The following SCAPER variants were observed in gnomAD, a reference collection of about 807,000 sequenced individuals.
The protein encoded by SCAPER is S phase cyclin A-associated protein in the endoplasmic reticulum.
Under a neutral mutation model 182.2 loss-of-function variants are expected in SCAPER, and 98 were observed. The ratio of observed to expected loss-of-function variants is 0.54; its 90% CI spans 0.46 to 0.64. The LOEUF is 0.64. Ranked by LOEUF, SCAPER falls within the 30% of genes least tolerant of loss-of-function variation. SCAPER has a pLI of 0.00. For synonymous variants in SCAPER, 605 were observed against 564.6 expected, an observed-to-expected ratio of 1.07 and a Z score of -1.01; for missense variants, 1,432 against 1,690.0, an observed-to-expected ratio of 0.85 and a Z score of 2.68.
chr15:76,605,761 T>G (rs944767639), intron 22 of SCAPER, among the ~76,000 whole-genome samples: 2 of 152,242 alleles, frequency 1.3e-5, no homozygotes, highest in South Asian at 2.1e-4. Flanking sequence ...GGAGGATGTA[T>G]GTGTCGATGA....
rs114959360 is a variant in SCAPER, at chr15:76,714,931, A to G, written c.2166-8947T>C. 8.2e-3 allele frequency among the ~76,000 whole-genome samples: 1,241 copies of G among 152,266 alleles called. 12 individuals carry two copies. Among genetic ancestry groups the G allele is most frequent in the African/African-American group, 0.028 (1,174 of 41,532 alleles). On this transcript the variant is annotated intron_variant, in intron 17 of 31. Coordinates refer to ENST00000563290, the MANE Select transcript of SCAPER (RefSeq NM_020843.4). ...TAACGGATTAAAGGAGAAATTTTATAGAATTATTTCCATATTAAAAAAAAC... is the reference window on the plus strand; with the variant it reads ...TAACGGATTAAAGGAGAAATTTTATGGAATTATTTCCATATTAAAAAAAAC...
intron 4 of SCAPER, among the ~76,000 whole-genome samples, chr15:76,852,803 A>G (rs1441229653): frequency 6.6e-6 from 1 of 152,194 alleles, no homozygotes; most frequent in Non-Finnish European, 1.5e-5. Flanking sequence ...GAGCAAATCA[A>G]CCCCAAAACT....
At chr15:76,596,982 T>C (rs2049557538) in intron 22 of SCAPER, among the ~76,000 whole-genome samples, 1 of 120,912 alleles carries the variant, frequency 8.3e-6, no homozygotes, top group Admixed American at 9.5e-5. Flanking sequence ...GAGAAAGAAA[T>C]AAAGAGTATT....
intron 25 of SCAPER, among the ~76,000 whole-genome samples, chr15:76,442,747 A>G (rs1354847544): frequency 6.6e-6 from 1 of 152,220 alleles, no homozygotes; most frequent in African/African-American, 2.4e-5. Context: ...AAGTCAGCAA[A>G]TAATGTAGCA....
intron 1 of SCAPER, among the ~76,000 whole-genome samples, chr15:76,899,072 A>T (rs1431106255): frequency 6.6e-6 from 1 of 152,258 alleles, no homozygotes; most frequent in African/African-American, 2.4e-5. Flanking sequence ...CTTTCAATAA[A>T]ATGACATTTA....
At chr15:76,814,629 G>A (rs952222168) in intron 5 of SCAPER, among the ~76,000 whole-genome samples, 113 of 152,150 alleles carry the variant, frequency 7.4e-4, no homozygotes, top group Admixed American at 2.4e-3. Flanking sequence ...CATTAAAGAT[G>A]TAAACATGAG....
chr15:76,659,975 G>A (rs896855625), intron 21 of SCAPER, among the ~76,000 whole-genome samples: 1 of 152,150 alleles, frequency 6.6e-6, no homozygotes, highest in African/African-American at 2.4e-5. Context: ...CATAATGGCA[G>A]ACATGGAATC....
chr15:76,398,040 A>C (rs1257586673), intron 27 of SCAPER, among the ~76,000 whole-genome samples: 2 of 152,050 alleles, frequency 1.3e-5, no homozygotes, highest in Non-Finnish European at 2.9e-5. Context: ...ATATATCTCA[A>C]AGTTCAGTTA....
At chr15:76,833,632 A>G (rs1433103642) in intron 5 of SCAPER, among the ~76,000 whole-genome samples, 2 of 152,228 alleles carry the variant, frequency 1.3e-5, no homozygotes, top group East Asian at 1.9e-4. Flanking sequence ...CTCACATGCA[A>G]TGACAACCAC....
intron 14 of SCAPER, among the ~76,000 whole-genome samples, chr15:76,754,460 A>G (rs2062289875): frequency 6.6e-6 from 1 of 152,114 alleles, no homozygotes; most frequent in Non-Finnish European, 1.5e-5. Flanking sequence ...TTATTTGCAT[A>G]AGAAACATTC....
intron 4 of SCAPER, among the ~76,000 whole-genome samples, chr15:76,847,151 T>C (rs756469229): frequency 3.9e-5 from 6 of 152,032 alleles, no homozygotes; most frequent in Non-Finnish European, 8.8e-5. Flanking sequence ...ACCATATCAA[T>C]TGCACTCAGA....
intron 21 of SCAPER, among the ~76,000 whole-genome samples, chr15:76,663,907 A>T (rs1457465037): frequency 6.6e-6 from 1 of 152,158 alleles, no homozygotes; most frequent in African/African-American, 2.4e-5. Flanking sequence ...CATAGAATGG[A>T]CACAGATGGC....
chr15:76,531,654 A>G (rs562785630), intron 23 of SCAPER, among the ~76,000 whole-genome samples: 1 of 152,216 alleles, frequency 6.6e-6, no homozygotes, highest in African/African-American at 2.4e-5. Context: ...TATATGTTAA[A>G]AAAAAAAAGA....
chr15:76,533,566 G>A (rs1597242064), intron 23 of SCAPER, among the ~76,000 whole-genome samples: 1 of 152,088 alleles, frequency 6.6e-6, no homozygotes, highest in East Asian at 1.9e-4. Context: ...GCACAACGAT[G>A]ACGCTGCCTA....
chr15:76,475,398 C>G (rs1226622595), intron 24 of SCAPER, among the ~76,000 whole-genome samples: 1 of 151,942 alleles, frequency 6.6e-6, no homozygotes, highest in Non-Finnish European at 1.5e-5. Context: ...ATGATCTCAG[C>G]TCACTGCAAC....
intron 26 of SCAPER, among the ~76,000 whole-genome samples, chr15:76,426,415 G>A (rs568211296): frequency 7.6e-4 from 116 of 152,258 alleles, no homozygotes; most frequent in African/African-American, 2.6e-3. Context: ...AGCCAGGTGC[G>A]GGATATAATC....
chr15:76,664,968 T>C (rs2056462137), intron 21 of SCAPER, among the ~76,000 whole-genome samples: 1 of 152,178 alleles, frequency 6.6e-6, no homozygotes, highest in Non-Finnish European at 1.5e-5. Context: ...TTCTCCATCT[T>C]TGAGACACTT....
intron 26 of SCAPER, among the ~76,000 whole-genome samples, chr15:76,433,203 T>C (rs2046977371): frequency 6.6e-6 from 1 of 152,098 alleles, no homozygotes; most frequent in Non-Finnish European, 1.5e-5. Flanking sequence ...CATTCTAACA[T>C]CACATATCTA....
chr15:76,765,027 T>C lies in SCAPER; in HGVS notation c.1659A>G (p.Lys553=). 6.2e-7 allele frequency: 1 copy of C among 1,601,300 alleles called. No homozygotes were observed. The highest frequency in any genetic ancestry group is 8.5e-7 in the Non-Finnish European group (1 of 1,174,040). The change falls in exon 14 of 32, where the codon AAA becomes AAG. Residue 553 remains lysine, a synonymous_variant. Transcript: ENST00000563290. The part of the protein sequence containing the change: ...SKKKHEEKQM[K]AQQLREKLRE... ...GTAACTTTTCCCTTAGCTGCTGTGC[T>C]TTCATTTGTTTTTCTTCATGTTTCT... is the stretch of plus-strand genomic sequence containing the variant.
Sources: gnomAD v4.1 joint callset for allele counts (sites outside exome capture counted in the v4.1 genomes callset) on GRCh38, gnomAD v4.1.1 for gene constraint, MANE v1.5 for transcripts, NCBI Gene and HGNC (gene_info 2026-07-23, HGNC 2026-07-21) for gene names.